The following TMEM33 variants were observed in gnomAD, a reference collection of about 807,000 sequenced individuals.
TMEM33 encodes the protein transmembrane protein 33.
Under a neutral mutation model 29.7 loss-of-function variants are expected in TMEM33, and 16 were observed. The ratio of observed to expected loss-of-function variants is 0.54; its 90% CI spans 0.36 to 0.82. The LOEUF (loss-of-function observed/expected upper bound fraction) is 0.82, where lower values mean the gene tolerates loss of function less well. TMEM33 is among the 40% of genes least tolerant of loss of function. The pLI is 0.00. For synonymous variants in TMEM33, 112 were observed against 109.4 expected (o/e 1.02, Z -0.15); for missense variants, 252 against 295.3 (o/e 0.85, Z 1.08).
At chr4:41,937,414 T>A (rs1336396259) in intron 1 of TMEM33, among the ~76,000 whole-genome samples, 1 of 152,226 alleles carries the variant, frequency 6.6e-6, no homozygotes, top group Non-Finnish European at 1.5e-5. Context: ...TGAAATTACC[T>A]ACATGTGGGT....
At chr4:41,939,820 T>C (rs1040470865) in intron 3 of TMEM33, 4 of 456,150 alleles carry the variant, frequency 8.8e-6, no homozygotes, top group Non-Finnish European at 1.8e-5. Context: ...AAACAACTTA[T>C]TTAAGCAGGT....
At chr4:41,935,599 C>A in intron 1 of TMEM33, 70 bp downstream of exon 1, 3 of 1,495,082 alleles carry the variant, frequency 2.0e-6, no homozygotes, top group Non-Finnish European at 1.8e-6. Context: ...CGTTGCGAGT[C>A]CCGAGGCGTT....
At chr4:41,939,078 AT>A (rs1195813291) in intron 2 of TMEM33, 117 bp from the exon 3 acceptor site, 5 of 960,592 alleles carry the variant, frequency 5.2e-6, no homozygotes, top group Non-Finnish European at 6.0e-6. Context: ...AGTTCATGTA[AT>A]TTTTTTCTAT....
At chr4:41,943,569 A>G (rs546303394) in intron 3 of TMEM33, among the ~76,000 whole-genome samples, 178 bp from the exon 4 acceptor site, 1 of 152,260 alleles carries the variant, frequency 6.6e-6, no homozygotes, top group African/African-American at 2.4e-5. Flanking sequence ...GAAATAGTTT[A>G]CTTTCTTCTT....
chr4:41,944,938 T>A lies in TMEM33; in HGVS notation c.530+12T>A, dbSNP rs570977104. The A allele has an allele frequency of 4.4e-6, 7 of 1,607,126 alleles. No individual in the cohort carries two copies. The South Asian group carries it at 5.5e-5, about 13-fold the overall frequency. ...TTTATGCTTTTTAGGTAAGGAAAAATTATATTTGTTTTGGGAGGCTGATGA... is the reference window on the plus strand; with the variant it reads ...TTTATGCTTTTTAGGTAAGGAAAAAATATATTTGTTTTGGGAGGCTGATGA... On this transcript the variant is annotated intron_variant, in intron 5 of 6. Coordinates refer to ENST00000504986, the MANE Select transcript of TMEM33 (RefSeq NM_018126.3).
chr4:41,952,477 C>T (rs911481124), intron 6 of TMEM33, among the ~76,000 whole-genome samples: 2 of 152,048 alleles, frequency 1.3e-5, no homozygotes, highest in Non-Finnish European at 2.9e-5. Flanking sequence ...TTATAAATGT[C>T]AGTACAGTAT....
In TMEM33 at chr4:41,956,596, G is replaced by T. The variant is rs1449591578; in HGVS notation, c.*2397G>T. ...AAAGTACTGTTGGTCAAGATAATTG[G>T]TCAATAATCCATGTTGGTTTTAACA... On this transcript the variant is annotated 3_prime_UTR_variant, in exon 7 of 7. Transcript: ENST00000504986. 2 of 151,718 alleles carry T rather than the reference G, an allele frequency of 1.3e-5. No homozygotes were observed. The highest frequency in any genetic ancestry group is 2.9e-5 in the Non-Finnish European group (2 of 67,984). 9.4% of individuals were successfully genotyped at this position (151,718 alleles called of 1,614,324 possible).
In TMEM33 at chr4:41,955,043, G is replaced by T. The variant is rs547313939; in HGVS notation, c.*844G>T. ...AGAATCTTGACTGCCAGTTTTCTTG[G>T]TTTCTTAGGCTTGAATTTTCATAGA... On this transcript the variant is annotated 3_prime_UTR_variant, in exon 7 of 7. Coordinates refer to ENST00000504986, the MANE Select transcript of TMEM33 (RefSeq NM_018126.3). 1.2e-4 allele frequency: 18 copies of T among 152,680 alleles called. No individual in the cohort carries two copies. Among genetic ancestry groups the T allele is most frequent in the African/African-American group, 3.9e-4 (16 of 41,550 alleles). 9.5% of individuals were successfully genotyped at this position (152,680 alleles called of 1,614,324 possible).
At chr4:41,945,885 T>C (rs1712760666) in intron 5 of TMEM33, among the ~76,000 whole-genome samples, 1 of 150,394 alleles carries the variant, frequency 6.6e-6, no homozygotes, top group South Asian at 2.1e-4. Context: ...ACAGGAGAAT[T>C]GTTTGAATCT....
At chr4:41,940,391 G>T (rs565598504) in intron 3 of TMEM33, among the ~76,000 whole-genome samples, 18 of 152,124 alleles carry the variant, frequency 1.2e-4, no homozygotes, top group Admixed American at 9.8e-4. Context: ...ATTCCTCTGA[G>T]ACTGAATATT....
chr4:41,947,816 T>G (rs55757111), intron 5 of TMEM33, among the ~76,000 whole-genome samples: 194 of 152,342 alleles, frequency 1.3e-3, no homozygotes, highest in African/African-American at 3.6e-3. Flanking sequence ...CAGTAATGCT[T>G]CAAGCTCTGT....
intron 6 of TMEM33, among the ~76,000 whole-genome samples, chr4:41,952,678 G>A (rs892287017): frequency 6.6e-6 from 1 of 152,152 alleles, no homozygotes; most frequent in African/African-American, 2.4e-5. Context: ...ATTAGATTGA[G>A]ACTAGATTGT....
At chr4:41,939,810 A>C (rs1304520789) in intron 3 of TMEM33, 6 of 456,364 alleles carry the variant, frequency 1.3e-5, no homozygotes, top group Non-Finnish European at 2.6e-5. Flanking sequence ...TTTAACCAAG[A>C]AACAACTTAT....
At position 41,944,790 on chromosome 4, in the gene TMEM33, T is replaced by C. The variant is rs1363459476; in HGVS notation, c.397-3T>C. On this transcript the variant is annotated splice_polypyrimidine_tract_variant and splice_region_variant and intron_variant, in intron 4 of 6. Coordinates refer to ENST00000504986, the MANE Select transcript of TMEM33 (RefSeq NM_018126.3). Reference sequence around the variant, plus strand: ...TTCTAATGTTGGTTTTCTTTTGTTTTAGGCAAGGGGCTCAAATAGTTTACC... The same window carrying C: ...TTCTAATGTTGGTTTTCTTTTGTTTCAGGCAAGGGGCTCAAATAGTTTACC... The C allele has an allele frequency of 3.1e-6, 5 of 1,612,088 alleles. No individual in the cohort carries two copies. Among genetic ancestry groups the C allele is most frequent in the Non-Finnish European group, 4.2e-6 (5 of 1,179,378 alleles).
intron 6 of TMEM33, among the ~76,000 whole-genome samples, chr4:41,951,326 A>C (rs990732191): frequency 1.3e-5 from 2 of 152,192 alleles, no homozygotes; most frequent in African/African-American, 4.8e-5. Context: ...GTGGGTCAGC[A>C]CACATATGCA....
Position 41,954,070 on chromosome 4 carries a change from G to T in TMEM33, c.615G>T (p.Arg205=). The change falls in exon 7 of 7, where the codon CGG becomes CGT. Residue 205 remains arginine (R), a splice_region_variant and synonymous_variant. Coordinates refer to ENST00000504986, the MANE Select transcript of TMEM33 (RefSeq NM_018126.3). ...RYSSRRNPYC[R]TLFNELRIVV... ...CAAAGAAAACTATTTTGTCTTGCAG[G>T]ACCTTATTTAATGAACTGAGGATTG... The T allele has an allele frequency of 6.2e-7, 1 of 1,613,176 alleles. No homozygotes were observed. Among genetic ancestry groups the T allele is most frequent in the Non-Finnish European group, 8.5e-7 (1 of 1,179,444 alleles).
chr4:41,940,046 CTTTTTTTTTTTTTT>C (rs71650953), intron 3 of TMEM33, among the ~76,000 whole-genome samples: 1 of 81,366 alleles, frequency 1.2e-5, no homozygotes, highest in African/African-American at 5.6e-5. Flanking sequence ...GTTAAACTTT[CTTTTTTTTTTTTTT>C]TTTTTTTTTT....
intron 1 of TMEM33, 121 bp downstream of exon 1, chr4:41,935,650 G>T (rs1038465500): frequency 5.8e-6 from 6 of 1,029,732 alleles, no homozygotes; most frequent in Non-Finnish European, 8.6e-6. Context: ...TAATGAGTTG[G>T]GGTGGGGAAG....
chr4:41,952,204 G>A (rs1197709365), intron 6 of TMEM33, among the ~76,000 whole-genome samples: 5 of 152,160 alleles, frequency 3.3e-5, no homozygotes, highest in African/African-American at 9.7e-5. Context: ...AGTTGTAATG[G>A]TGCTCTCACG....
Sources: gnomAD v4.1 joint callset for allele counts (sites outside exome capture counted in the v4.1 genomes callset) on GRCh38, gnomAD v4.1.1 for gene constraint, MANE v1.5 for transcripts, NCBI Gene and HGNC (gene_info 2026-07-23, HGNC 2026-07-21) for gene names.